Variants in TRIM36 observed in about 807,000 individuals in gnomAD.
TRIM36 encodes tripartite motif containing 36, also known as E3 ubiquitin-protein ligase TRIM36.
Under a neutral mutation model 72.4 loss-of-function variants are expected in TRIM36, and 42 were observed. The observed-to-expected ratio is 0.58, with a 90% CI of 0.45 to 0.75. The LOEUF (loss-of-function observed/expected upper bound fraction) is 0.75. Among genes scored for constraint, TRIM36 ranks in the 30% least tolerant of loss-of-function variants. TRIM36 has a pLI of 0.00. For missense variants in TRIM36, 913 were observed against 857.1 expected (o/e 1.07, Z -0.81); for synonymous variants, 315 against 282.8 (o/e 1.11, Z -1.14).
At chr5:115,151,157 C>T (rs1212721725) in intron 2 of TRIM36, among the ~76,000 whole-genome samples, 2 of 152,184 alleles carry the variant, frequency 1.3e-5, no homozygotes, top group Non-Finnish European at 2.9e-5. Context: ...TGCTCACCCA[C>T]TGCCTGGAAA....
intron 9 of TRIM36, among the ~76,000 whole-genome samples, chr5:115,128,074 G>A (rs1162734022): frequency 8.0e-6 from 1 of 125,590 alleles, no homozygotes; most frequent in Non-Finnish European, 1.7e-5. Context: ...TGTAGAACAA[G>A]GCTATAAAAA....
At chr5:115,162,607 A>G (rs144442381) in intron 2 of TRIM36, among the ~76,000 whole-genome samples, 3 of 152,352 alleles carry the variant, frequency 2.0e-5, no homozygotes, top group African/African-American at 7.2e-5. Context: ...CTAGTACATA[A>G]CTAAAATTTT....
chr5:115,145,055 T>A (rs1753508621), intron 3 of TRIM36, among the ~76,000 whole-genome samples: 1 of 152,200 alleles, frequency 6.6e-6, no homozygotes, highest in South Asian at 2.1e-4. Context: ...GTTTCATTCC[T>A]ATCAGATTCA....
chr5:115,137,375 T>C lies in TRIM36; in HGVS notation c.1073A>G (p.Gln358Arg). The C allele has an allele frequency of 6.2e-7, 1 of 1,606,342 alleles. No individual in the cohort carries two copies. Among genetic ancestry groups the C allele is most frequent in the Non-Finnish European group, 8.5e-7 (1 of 1,178,010 alleles). The change falls in exon 6 of 10, where the codon CAG (glutamine) becomes CGG (arginine). Residue 358 changes from glutamine (Q) to arginine (R), a missense_variant. Transcript: ENST00000513154. ...DQSCFVQTAK[Q>R]LHLRIQKATE... ...TAAAAGAGAATACCTGAGGTGGAGC[T>C]GCTTTGCTGTCTGCACAAAGCAAGA...
chr5:115,150,573 A>G (rs1753835026), intron 2 of TRIM36, among the ~76,000 whole-genome samples: 1 of 152,234 alleles, frequency 6.6e-6, no homozygotes, highest in Non-Finnish European at 1.5e-5. Context: ...TGCAGCTCTG[A>G]CAGAGCAGCA....
chr5:115,136,958 T>A (rs1752993947), intron 7 of TRIM36, 42 bp downstream of exon 7: 3 of 1,522,468 alleles, frequency 2.0e-6, no homozygotes, highest in Non-Finnish European at 1.8e-6. Flanking sequence ...CAATACAAAT[T>A]CAGACAAAAA....
At chr5:115,159,496 T>C (rs1249297752) in intron 2 of TRIM36, 3 of 268,728 alleles carry the variant, frequency 1.1e-5, no homozygotes. Flanking sequence ...CTGTTGACCT[T>C]TAAGTCGTTT....
At chr5:115,154,168 C>T (rs1314605475) in intron 2 of TRIM36, among the ~76,000 whole-genome samples, 1 of 150,914 alleles carries the variant, frequency 6.6e-6, no homozygotes, top group Admixed American at 6.7e-5. Flanking sequence ...ATCAAAACCT[C>T]TGGAACACAG....
intron 2 of TRIM36, among the ~76,000 whole-genome samples, chr5:115,162,657 T>C (rs1754543883): frequency 6.6e-6 from 1 of 152,170 alleles, no homozygotes; most frequent in Non-Finnish European, 1.5e-5. Flanking sequence ...AAAGTTTTCT[T>C]TGGTCAATCA....
At chr5:115,145,972 T>G (rs1753572963) in intron 3 of TRIM36, among the ~76,000 whole-genome samples, 1 of 152,212 alleles carries the variant, frequency 6.6e-6, no homozygotes. Context: ...CTATATTGAG[T>G]AGCACTAACT....
upstream of TRIM36, among the ~76,000 whole-genome samples, chr5:115,171,502 C>T (rs1755116552): frequency 6.6e-6 from 1 of 152,124 alleles, no homozygotes; most frequent in Non-Finnish European, 1.5e-5. Context: ...TTTAAAGGCT[C>T]AACCATTAGA....
chr5:115,140,308 A>C (rs1017529734), intron 5 of TRIM36, among the ~76,000 whole-genome samples: 1 of 152,242 alleles, frequency 6.6e-6, no homozygotes. Flanking sequence ...ATGGAGAAGA[A>C]AAACAAGTGT....
chr5:115,139,927 C>A, intron 5 of TRIM36, among the ~76,000 whole-genome samples: 1 of 152,090 alleles, frequency 6.6e-6, no homozygotes, highest in East Asian at 1.9e-4. Context: ...AAGTGAAGAG[C>A]AGCAGGACTG....
rs1367534927 is a variant in TRIM36 at position 115,125,369 on chromosome 5, C to T, written c.*1134G>A. ...AAATTAAAAGATATTTTAAAGGGTA[C>T]ACAGTCATTGTGATCTTAGTTATCA... is the stretch of plus-strand genomic sequence containing the variant. On this transcript the variant is annotated 3_prime_UTR_variant, in exon 10 of 10. Coordinates refer to ENST00000513154, the MANE Select transcript of TRIM36 (RefSeq NM_001300759.2). The T allele has an allele frequency of 1.3e-5, 2 of 152,042 alleles. No individual in the cohort carries two copies. Among genetic ancestry groups the T allele is most frequent in the Non-Finnish European group, 2.9e-5 (2 of 67,950 alleles). 9.4% of individuals were successfully genotyped at this position (152,042 alleles called of 1,614,324 possible).
At position 115,131,998 on chromosome 5, in the gene TRIM36, T is replaced by C. The variant is rs73251505; in HGVS notation, c.1499-1109A>G. ...AAATGTACTTAATGCCAATGAGCTG[T>C]ATACTTAAAAACTGTTAAGATAATA... is the stretch of plus-strand genomic sequence containing the variant. On this transcript the variant is annotated intron_variant, in intron 8 of 9. Coordinates refer to ENST00000513154, the MANE Select transcript of TRIM36 (RefSeq NM_001300759.2). Among the ~76,000 whole-genome samples, 279 of 152,274 alleles carry C rather than the reference T, an allele frequency of 1.8e-3. 1 individual carries two copies. The highest frequency in any genetic ancestry group is 6.5e-3 in the African/African-American group (271 of 41,542).
In TRIM36 at chr5:115,141,180, C is replaced by A. The variant is rs527494845; in HGVS notation, c.831+99G>T. On this transcript the variant is annotated intron_variant, in intron 5 of 9. Transcript: ENST00000513154. ...GTGAAATCTAACACAACTTTGTATT[C>A]CCAGCTCATATAATACTCTCAGGAT... 1.9e-5 allele frequency: 16 copies of A among 843,106 alleles called. No individual in the cohort carries two copies. In the African/African-American group the frequency reaches 2.1e-4, roughly 11 times the overall value. 52.2% of individuals were successfully genotyped at this position (843,106 alleles called of 1,614,324 possible).
At chr5:115,169,909 G>T (rs935559244), upstream of TRIM36, 8 of 1,288,656 alleles carry the variant, frequency 6.2e-6, no homozygotes, top group East Asian at 1.9e-4. Context: ...TGCGGACTGC[G>T]GCTGGGAACG....
At chr5:115,165,632 G>T (rs1344380730) in intron 1 of TRIM36, among the ~76,000 whole-genome samples, 1 of 152,220 alleles carries the variant, frequency 6.6e-6, no homozygotes, top group Non-Finnish European at 1.5e-5. Context: ...GGCTGCAGTT[G>T]GGAAGGCACA....
intron 2 of TRIM36, chr5:115,148,954 G>A (rs947435442): frequency 2.0e-5 from 3 of 152,042 alleles, no homozygotes; most frequent in African/African-American, 7.2e-5. Context: ...TATCAGTTCA[G>A]GTAAAATTTA....
Sources: allele counts gnomAD v4.1 joint callset (sites outside exome capture counted in the v4.1 genomes callset), GRCh38; gene constraint gnomAD v4.1.1; transcripts MANE v1.5; gene names NCBI Gene and HGNC (gene_info 2026-07-23, HGNC 2026-07-21).